ASIC2: variants seen among roughly 807,000 people sequenced by gnomAD.
ASIC2 encodes the protein acid-sensing ion channel 2.
In ASIC2, 25 loss-of-function variants were observed where a neutral mutation model predicts 57.3. The ratio of observed to expected loss-of-function variants is 0.44; its 90% CI spans 0.32 to 0.61. The LOEUF is 0.61. Among genes scored for constraint, ASIC2 ranks in the 20% least tolerant of loss-of-function variants. The pLI, the probability that ASIC2 is intolerant of heterozygous loss-of-function variation, is 0.06. For synonymous variants in ASIC2, 319 were observed against 307.5 expected, an observed-to-expected ratio of 1.04 and a Z score of -0.39; for missense variants, 641 against 738.1, an observed-to-expected ratio of 0.87 and a Z score of 1.52.
intron 1 of ASIC2, among the ~76,000 whole-genome samples, chr17:33,765,850 G>A (rs560738768): frequency 3.9e-5 from 6 of 152,296 alleles, no homozygotes; most frequent in South Asian, 4.1e-4. Flanking sequence ...GTCCCTTCCC[G>A]TGGGCTCCGC....
chr17:33,590,171 T>C (rs1316321131), intron 1 of ASIC2, among the ~76,000 whole-genome samples: 1 of 152,202 alleles, frequency 6.6e-6, no homozygotes, highest in Non-Finnish European at 1.5e-5. Context: ...CCTCCTTTCC[T>C]ATATCCTTCC....
chr17:33,189,772 C>T (rs952208542), intron 1 of ASIC2, among the ~76,000 whole-genome samples: 1 of 152,068 alleles, frequency 6.6e-6, no homozygotes, highest in Non-Finnish European at 1.5e-5. Flanking sequence ...CCTGTATACC[C>T]TTAACAACAG....
intron 1 of ASIC2, among the ~76,000 whole-genome samples, chr17:33,805,253 G>C (rs1260123704): frequency 6.6e-6 from 1 of 152,120 alleles, no homozygotes; most frequent in Non-Finnish European, 1.5e-5. Context: ...ACTTTGCCCA[G>C]GAACCTCTGC....
At chr17:33,741,547 A>G (rs1398147754) in intron 1 of ASIC2, among the ~76,000 whole-genome samples, 1 of 152,222 alleles carries the variant, frequency 6.6e-6, no homozygotes, top group African/African-American at 2.4e-5. Context: ...CCAAGGGGGC[A>G]TAAAGATAAA....
intron 2 of ASIC2, among the ~76,000 whole-genome samples, chr17:33,098,463 C>A (rs1567743889): frequency 6.6e-6 from 1 of 152,150 alleles, no homozygotes; most frequent in Non-Finnish European, 1.5e-5. Flanking sequence ...TATTTTGAAG[C>A]TAGGCAAGCT....
intron 1 of ASIC2, among the ~76,000 whole-genome samples, chr17:33,316,867 C>T (rs1039089995): frequency 6.6e-6 from 1 of 152,174 alleles, no homozygotes; most frequent in African/African-American, 2.4e-5. Context: ...GGAGATTTTC[C>T]AGACACACAT....
intron 1 of ASIC2, among the ~76,000 whole-genome samples, chr17:33,764,783 T>C (rs1236129741): frequency 6.6e-6 from 1 of 152,222 alleles, no homozygotes; most frequent in Non-Finnish European, 1.5e-5. Flanking sequence ...GGTAAGTTTC[T>C]ACATGAACTT....
intron 1 of ASIC2, among the ~76,000 whole-genome samples, chr17:33,744,869 C>A (rs113885884): frequency 1.3e-5 from 2 of 151,942 alleles, no homozygotes; most frequent in African/African-American, 4.8e-5. Context: ...AAAAAAGAAA[C>A]AAGTGGAAAT....
intron 1 of ASIC2, among the ~76,000 whole-genome samples, chr17:33,420,533 T>C (rs1911008498): frequency 6.6e-6 from 1 of 152,222 alleles, no homozygotes; most frequent in African/African-American, 2.4e-5. Flanking sequence ...CCTTCTCATC[T>C]ACTTATGGTA....
intron 1 of ASIC2, among the ~76,000 whole-genome samples, chr17:33,736,093 TA>T (rs1046409439): frequency 6.1e-4 from 93 of 151,944 alleles, no homozygotes; most frequent in Admixed American, 5.0e-3. Context: ...AGCAAAATAA[TA>T]AAGGTAAGAA....
At position 33,256,525 on chromosome 17, in the gene ASIC2, A is replaced by C. The variant is rs143921574; in HGVS notation, c.708+34883T>G. Among the ~76,000 whole-genome samples the C allele has an allele frequency of 3.4e-3, 524 of 152,294 alleles. 4 individuals carry two copies. Among genetic ancestry groups the C allele is most frequent in the African/African-American group, 0.012 (505 of 41,570 alleles). On this transcript the variant is annotated intron_variant, in intron 1 of 9. Transcript: ENST00000225823. ...ATAATAGAGAAATGAATTGGCATAA[A>C]AAATTTTACTGTAGGGCCAGGCACG...
chr17:33,319,905 A>C (rs1906803096), intron 1 of ASIC2, among the ~76,000 whole-genome samples: 1 of 152,208 alleles, frequency 6.6e-6, no homozygotes, highest in Admixed American at 6.5e-5. Context: ...ATCAAATACT[A>C]CATCGTATTC....
At chr17:33,237,289 G>T (rs1336758421) in intron 1 of ASIC2, among the ~76,000 whole-genome samples, 2 of 152,140 alleles carry the variant, frequency 1.3e-5, no homozygotes, top group South Asian at 4.1e-4. Flanking sequence ...GCCACAGCAG[G>T]GTTTGTGGTG....
chr17:33,796,295 A>T (rs10438793), intron 1 of ASIC2, among the ~76,000 whole-genome samples: 2 of 151,946 alleles, frequency 1.3e-5, no homozygotes, highest in Non-Finnish European at 2.9e-5. Context: ...TGCTAAGCAC[A>T]TCTGGGTCAG....
At chr17:33,299,271 C>A (rs549823639) in intron 1 of ASIC2, among the ~76,000 whole-genome samples, 6 of 152,336 alleles carry the variant, frequency 3.9e-5, no homozygotes, top group Admixed American at 3.3e-4. Context: ...ACAGAGCCAT[C>A]TGATACCTTT....
chr17:33,842,836 G>A (rs536162423), intron 1 of ASIC2, among the ~76,000 whole-genome samples: 1 of 152,318 alleles, frequency 6.6e-6, no homozygotes, highest in East Asian at 1.9e-4. Context: ...GTACTGACAC[G>A]TGATGGGCTG....
At chr17:33,397,355 G>T (rs1190931354) in intron 1 of ASIC2, among the ~76,000 whole-genome samples, 1 of 152,158 alleles carries the variant, frequency 6.6e-6, no homozygotes, top group South Asian at 2.1e-4. Flanking sequence ...ATTTGTGAAG[G>T]TCCATTTCTT....
chr17:33,433,024 C>G (rs1356464076), intron 1 of ASIC2, among the ~76,000 whole-genome samples: 1 of 152,184 alleles, frequency 6.6e-6, no homozygotes, highest in East Asian at 1.9e-4. Flanking sequence ...AACAGAACTA[C>G]CATTCAACCC....
chr17:33,136,265 T>C (rs894581760), intron 1 of ASIC2, among the ~76,000 whole-genome samples: 2 of 152,274 alleles, frequency 1.3e-5, no homozygotes, highest in Non-Finnish European at 2.9e-5. Flanking sequence ...CACCAGACAC[T>C]GTGCTTGCCT....
Sources: allele counts gnomAD v4.1 joint callset (sites outside exome capture counted in the v4.1 genomes callset), GRCh38; gene constraint gnomAD v4.1.1; transcripts MANE v1.5; gene names NCBI Gene and HGNC (gene_info 2026-07-23, HGNC 2026-07-21).